DDAH1: variants seen among roughly 807,000 people sequenced by gnomAD.
DDAH1 encodes dimethylarginine dimethylaminohydrolase 1.
A neutral mutation model predicts 28.8 loss-of-function variants in DDAH1; 19 were observed. The observed-to-expected ratio is 0.66, with a 90% confidence interval of 0.46 to 0.97. DDAH1 has a LOEUF of 0.97. Among genes scored for constraint, DDAH1 ranks in the 50% least tolerant of loss-of-function variants. The pLI, the probability that DDAH1 is intolerant of heterozygous loss-of-function variation, is 0.00. For missense variants in DDAH1, 326 were observed against 375.9 expected (o/e 0.87, Z 1.10); for synonymous variants, 153 against 154.4 (o/e 0.99, Z 0.07).
intron 1 of DDAH1, among the ~76,000 whole-genome samples, chr1:85,551,806 G>A (rs1174077536): frequency 6.6e-6 from 1 of 152,202 alleles, no homozygotes; most frequent in East Asian, 1.9e-4. Flanking sequence ...TGGCTAAGAA[G>A]GTAGAGAGAT....
rs372253111 is a variant in DDAH1 at position 85,521,698 on chromosome 1, C to T, written c.-122-25417G>A. 330 of 969,090 alleles carry T rather than the reference C, an allele frequency of 3.4e-4. 1 individual carries two copies. The African/African-American group carries it at 5.3e-3, about 16-fold the overall frequency. The allele number at this position is 969,090 out of a possible 1,614,324, so 60.0% of individuals were successfully genotyped here. Reference sequence around the variant, plus strand: ...AAATTCCTTCTCCTCCAGCAGGTCTCGGCTCAGATGCTCTCTCTGTGAATC... The same window carrying T: ...AAATTCCTTCTCCTCCAGCAGGTCTTGGCTCAGATGCTCTCTCTGTGAATC... On this transcript the variant is annotated intron_variant, in intron 1 of 6. Transcript: ENST00000426972.
intron 1 of DDAH1, among the ~76,000 whole-genome samples, chr1:85,431,563 T>C (rs915579269): frequency 6.6e-6 from 1 of 151,858 alleles, no homozygotes; most frequent in Admixed American, 6.6e-5. Context: ...CCCTCCTTCC[T>C]CACCTCTACC....
chr1:85,335,973 A>AAAATG (rs1476936432), intron 4 of DDAH1, among the ~76,000 whole-genome samples: 4 of 30,196 alleles, frequency 1.3e-4, no homozygotes, highest in African/African-American at 3.2e-4. Context: ...AAAATGAAAT[A>AAAATG]AAATAAAATA....
At chr1:85,555,424 T>C (rs532594483) in intron 1 of DDAH1, among the ~76,000 whole-genome samples, 1 of 152,358 alleles carries the variant, frequency 6.6e-6, no homozygotes, top group East Asian at 1.9e-4. Flanking sequence ...CCCTACTGTA[T>C]GGAATTACTA....
At chr1:85,529,681 T>G (rs1212422963) in intron 1 of DDAH1, among the ~76,000 whole-genome samples, 1 of 132,092 alleles carries the variant, frequency 7.6e-6, no homozygotes, top group Non-Finnish European at 1.6e-5. Flanking sequence ...TGCTGACTTC[T>G]GCCTCCTGTG....
chr1:85,373,144 TAA>T (rs1474196751), intron 1 of DDAH1, among the ~76,000 whole-genome samples: 2 of 152,286 alleles, frequency 1.3e-5, no homozygotes, highest in Non-Finnish European at 2.9e-5. Flanking sequence ...TGCAAATATA[TAA>T]GTGAAGTATT....
chr1:85,440,693 A>T (rs566153850), intron 1 of DDAH1, among the ~76,000 whole-genome samples: 2 of 152,298 alleles, frequency 1.3e-5, no homozygotes, highest in South Asian at 4.1e-4. Flanking sequence ...CCTTTTTCCA[A>T]TCCGGGAAGT....
chr1:85,472,833 A>G (rs1309581627), intron 2 of DDAH1, among the ~76,000 whole-genome samples: 2 of 152,170 alleles, frequency 1.3e-5, no homozygotes, highest in Non-Finnish European at 2.9e-5. Flanking sequence ...TAGTGAACAT[A>G]GTACCCAATA....
chr1:85,350,853 A>C (rs1195610969), intron 3 of DDAH1, among the ~76,000 whole-genome samples: 1 of 152,036 alleles, frequency 6.6e-6, no homozygotes, highest in East Asian at 1.9e-4. Flanking sequence ...CCTCATGGGG[A>C]ACGGAGCATC....
At chr1:85,496,286 A>G (rs1240740711) in intron 1 of DDAH1, 2 of 894,748 alleles carry the variant, frequency 2.2e-6, no homozygotes, top group East Asian at 1.2e-4. Context: ...ATGAAACTGC[A>G]AATGGAGAAA....
At chr1:85,445,114 T>C (rs1299235314) in intron 1 of DDAH1, among the ~76,000 whole-genome samples, 1 of 152,204 alleles carries the variant, frequency 6.6e-6, no homozygotes, top group Non-Finnish European at 1.5e-5. Flanking sequence ...CTGATTAGAC[T>C]GTGCCCACCC....
intron 5 of DDAH1, among the ~76,000 whole-genome samples, chr1:85,323,866 A>G (rs1341041804): frequency 2.0e-5 from 3 of 150,670 alleles, no homozygotes; most frequent in Non-Finnish European, 4.4e-5. Context: ...GCTACTCGGG[A>G]GGCTGAGGTA....
chr1:85,481,580 T>C (rs1284932700), intron 2 of DDAH1, among the ~76,000 whole-genome samples: 1 of 152,236 alleles, frequency 6.6e-6, no homozygotes, highest in Non-Finnish European at 1.5e-5. Context: ...TTTTACACAT[T>C]ATAAACCAGC....
chr1:85,356,601 T>G (rs2300636), intron 2 of DDAH1, among the ~76,000 whole-genome samples: 6 of 152,044 alleles, frequency 3.9e-5, no homozygotes, highest in African/African-American at 1.4e-4. Context: ...AAGTAGAAAA[T>G]AGAAGGCAGG....
chr1:85,417,293 C>A lies in DDAH1; in HGVS notation c.303+47450G>T, dbSNP rs58605688. On this transcript the variant is annotated intron_variant, in intron 1 of 5. Coordinates refer to ENST00000284031, the MANE Select transcript of DDAH1 (RefSeq NM_012137.4). ...CTCCTGGCAGGGCTGGATCAGTCTA[C>A]TGTGCTGGGTGAGTGGGAACAGCGG... Among the ~76,000 whole-genome samples the A allele has an allele frequency of 9.3e-4, 141 of 151,934 alleles. 1 individual carries two copies. In the East Asian group the frequency reaches 0.024, roughly 26 times the overall value.
Position 85,445,752 on chromosome 1 carries a change from G to T in DDAH1, c.303+18991C>A, listed in dbSNP as rs117922703. ...CTCCTGAATAGCTGGGACCATAAGT[G>T]TGTACCACAATTCCCAGATAATTTT... On this transcript the variant is annotated intron_variant, in intron 1 of 5. Transcript: ENST00000284031. Among the ~76,000 whole-genome samples the T allele has an allele frequency of 3.3e-5, 5 of 152,210 alleles. No individual in the cohort carries two copies. In the East Asian group the frequency reaches 9.7e-4, roughly 30 times the overall value.
intron 1 of DDAH1, among the ~76,000 whole-genome samples, chr1:85,423,899 T>G (rs942719865): frequency 6.6e-6 from 1 of 152,182 alleles, no homozygotes; most frequent in Non-Finnish European, 1.5e-5. Context: ...TTGTCACCCT[T>G]AAGTATGTGT....
chr1:85,546,713 G>A (rs1207940047), intron 1 of DDAH1, among the ~76,000 whole-genome samples: 1 of 151,984 alleles, frequency 6.6e-6, no homozygotes, highest in East Asian at 1.9e-4. Flanking sequence ...GTAAGAGGTG[G>A]GGAGAAAATG....
intron 1 of DDAH1, among the ~76,000 whole-genome samples, chr1:85,540,432 A>C (rs1486788559): frequency 3.3e-5 from 5 of 152,164 alleles, no homozygotes; most frequent in Non-Finnish European, 5.9e-5. Flanking sequence ...CTGATTCCCC[A>C]AATTAAAATG....
Sources: gnomAD v4.1 joint callset for allele counts (sites outside exome capture counted in the v4.1 genomes callset) on GRCh38, gnomAD v4.1.1 for gene constraint, MANE v1.5 for transcripts, NCBI Gene and HGNC (gene_info 2026-07-23, HGNC 2026-07-21) for gene names.